HTATSF1: variants seen among roughly 807,000 people sequenced by gnomAD.
HTATSF1 encodes the protein 17S U2 SnRNP complex component HTATSF1.
Under a neutral mutation model 46.1 loss-of-function variants are expected in HTATSF1, and 6 were observed. That is an observed-to-expected ratio of 0.13 (90% CI 0.07 to 0.26). The LOEUF is 0.26. Ranked by LOEUF, HTATSF1 falls within the 10% of genes least tolerant of loss-of-function variation. The pLI is 1.00. For missense variants in HTATSF1, 452 were observed against 559.9 expected (o/e 0.81, Z 1.94); for synonymous variants, 226 against 211.5 (o/e 1.07, Z -0.60).
chrX:136,504,411 G>A lies in HTATSF1; in HGVS notation c.782G>A (p.Arg261His). Residue 261 changes from arginine (R) to histidine (H), a missense_variant, in exon 6 of 9, where the codon CGC becomes CAC. This residue lies in a region of HTATSF1 where 117 missense variants were observed against 222.2 expected (regional missense o/e 0.53). Coordinates refer to ENST00000218364, the MANE Select transcript of HTATSF1 (RefSeq NM_014500.5). ...AGGCGAGCCGGACCATCCCGGATGC[G>A]CCATGAGCGAGTTGTCATCATCAAG... is the stretch of plus-strand genomic sequence containing the variant. ...PERRAGPSRMRHERVVIIKNM... is the reference protein window; with the variant it reads ...PERRAGPSRMHHERVVIIKNM... 8.3e-7 allele frequency: 1 copy of A among 1,210,015 alleles called. No homozygotes were observed. The highest frequency in any genetic ancestry group is 3.0e-5 in the East Asian group (1 of 33,672).
At position 136,504,961 on chromosome X, in the gene HTATSF1, A is replaced by T. The variant is rs191915622; in HGVS notation, c.834+498A>T. ...TGTATCAACTTTTTTAAGTGATTTTAAAAAAAGTTAATGGAACTGTCCTTC... is the reference window on the plus strand; with the variant it reads ...TGTATCAACTTTTTTAAGTGATTTTTAAAAAAGTTAATGGAACTGTCCTTC... On this transcript the variant is annotated intron_variant, in intron 6 of 8. Transcript: ENST00000218364. Among the ~76,000 whole-genome samples the T allele has an allele frequency of 9.7e-3, 1,089 of 112,303 alleles. 3 individuals are homozygous for T. Among genetic ancestry groups the T allele is most frequent in the Middle Eastern group, 0.023 (5 of 218 alleles).
In HTATSF1 at chrX:136,509,189, A is replaced by G; in HGVS notation, c.924+9A>G. The G allele has an allele frequency of 8.7e-7, 1 of 1,143,934 alleles. No individual in the cohort carries two copies. Among genetic ancestry groups the G allele is most frequent in the African/African-American group, 1.8e-5 (1 of 56,659 alleles). The allele number at this position is 1,143,934 out of a possible 1,213,427, so 94.3% of individuals were successfully genotyped here. A position where few individuals can be genotyped will look rare whatever the true frequency, so the allele number is the denominator to read the frequency against. ...AACTCCTTCTCTTTGATGTAAGTTC[A>G]TGGCTTGGACATATGGATCCTAAAG... is the stretch of plus-strand genomic sequence containing the variant. On this transcript the variant is annotated intron_variant, in intron 7 of 8. Coordinates refer to ENST00000218364, the MANE Select transcript of HTATSF1 (RefSeq NM_014500.5).
chrX:136,499,995 G>T (rs2075710687), intron 2 of HTATSF1, among the ~76,000 whole-genome samples, 163 bp from the exon 3 acceptor site: 1 of 111,635 alleles, frequency 9.0e-6, no homozygotes, highest in Admixed American at 9.4e-5. Context: ...TAAATCTTTT[G>T]AAAGCTGGGT....
chrX:136,508,704 T>C (rs1172072527), intron 6 of HTATSF1, among the ~76,000 whole-genome samples: 1 of 112,432 alleles, frequency 8.9e-6, no homozygotes, highest in African/African-American at 3.2e-5. Context: ...TTTCTGTAAA[T>C]AGGAATGTAT....
chrX:136,497,349 C>CGGCGGCGGT (rs1005549260), upstream of HTATSF1: 6 of 115,903 alleles, frequency 5.2e-5, no homozygotes, highest in East Asian at 2.7e-4. Context: ...CGGTCGGCGG[C>CGGCGGCGGT]GGCGGCGGTG....
intron 3 of HTATSF1, 123 bp from the exon 4 acceptor site, chrX:136,500,541 T>C (rs192590508): frequency 2.5e-5 from 12 of 480,886 alleles, no homozygotes; most frequent in East Asian, 1.2e-4. Flanking sequence ...TGTAAAACTT[T>C]TACATACATT....
At chrX:136,504,061 G>A (rs1197448259) in intron 5 of HTATSF1, among the ~76,000 whole-genome samples, 1 of 110,616 alleles carries the variant, frequency 9.0e-6, no homozygotes, top group East Asian at 2.8e-4. Flanking sequence ...AGTAGAGATG[G>A]GGTTTCACCA....
intron 6 of HTATSF1, among the ~76,000 whole-genome samples, chrX:136,506,076 G>A (rs2075740857): frequency 8.9e-6 from 1 of 111,845 alleles, no homozygotes; most frequent in Non-Finnish European, 1.9e-5. Flanking sequence ...GTAGAAGTCT[G>A]TTGTGTAATT....
Position 136,512,283 on chromosome X carries a change from G to C in HTATSF1, c.*270G>C. ...TGCATGCAGAATAATATTTTTAAGAGTATTGATTGAAGTTTGTGATATTCA... is the reference window on the plus strand; with the variant it reads ...TGCATGCAGAATAATATTTTTAAGACTATTGATTGAAGTTTGTGATATTCA... On this transcript the variant is annotated 3_prime_UTR_variant, in exon 9 of 9. Coordinates refer to ENST00000218364, the MANE Select transcript of HTATSF1 (RefSeq NM_014500.5). The C allele has an allele frequency of 4.2e-6, 1 of 240,237 alleles. No individual in the cohort carries two copies. Among genetic ancestry groups the C allele is most frequent in the East Asian group, 6.6e-5 (1 of 15,252 alleles). The allele number at this position is 240,237 out of a possible 1,213,427, so 19.8% of individuals were successfully genotyped here. A position where few individuals can be genotyped will look rare whatever the true frequency, so the allele number is the denominator to read the frequency against.
rs2071913 is a variant in HTATSF1, at chrX:136,511,178, G to C, written c.1433G>C (p.Gly478Ala). Residue 478 changes from glycine to alanine, a missense_variant, in exon 9 of 9, where the codon GGC (glycine) becomes GCC (alanine). By Grantham distance (60) the Gly-to-Ala change is moderately conservative. This residue lies in a region of HTATSF1 where 246 missense variants were observed against 245.3 expected (regional missense o/e 1.00). Coordinates refer to ENST00000218364, the MANE Select transcript of HTATSF1 (RefSeq NM_014500.5). Reference sequence around the variant, plus strand: ...GGCTGCCCCAAAAGAGGGTTTGAAGGCAGCTGCTCCCAAAAAGAGTCTGAA... The same window carrying C: ...GGCTGCCCCAAAAGAGGGTTTGAAGCCAGCTGCTCCCAAAAAGAGTCTGAA... ...EEGCPKRGFE[G>A]SCSQKESEEG... The C allele has an allele frequency of 8.4e-3, 10,179 of 1,204,885 alleles. 219 individuals carry two copies. In the East Asian group the frequency reaches 0.13, roughly 15 times the overall value.
rs1236364106 is a variant in HTATSF1 at position 136,502,768 on chromosome X, A to G, written c.571-10A>G. On this transcript the variant is annotated splice_polypyrimidine_tract_variant and intron_variant, in intron 4 of 8. Transcript: ENST00000218364. ...TATAACTGACTATATTTTGTCTTAC[A>G]TTTATAAAGAGAGAATCTGTGGAAC... The G allele has an allele frequency of 2.7e-6, 3 of 1,100,134 alleles. No individual in the cohort carries two copies. Among genetic ancestry groups the G allele is most frequent in the Non-Finnish European group, 3.6e-6 (3 of 830,913 alleles). 90.7% of individuals were successfully genotyped at this position (1,100,134 alleles called of 1,213,427 possible).
At chrX:136,508,892 C>T (rs1203608) in intron 6 of HTATSF1, among the ~76,000 whole-genome samples, 199 bp from the exon 7 acceptor site, 5 of 112,416 alleles carry the variant, frequency 4.4e-5, no homozygotes, top group African/African-American at 1.6e-4. Context: ...TAAAGCAGGG[C>T]AAACCTATAG....
upstream of HTATSF1, chrX:136,497,352 C>G (rs1225930466): frequency 8.8e-6 from 1 of 114,089 alleles, no homozygotes; most frequent in South Asian, 2.8e-4. Context: ...TCGGCGGCGG[C>G]GGCGGTGGCG....
Position 136,497,847 on chromosome X carries a change from G to A in HTATSF1, c.163G>A (p.Asp55Asn). 8.5e-7 allele frequency: 1 copy of A among 1,176,407 alleles called. No homozygotes were observed. The highest frequency in any genetic ancestry group is 1.1e-6 in the Non-Finnish European group (1 of 871,316). Residue 55 changes from aspartate to asparagine, a missense_variant, in exon 1 of 9, where the codon GAC (aspartate) becomes AAC (asparagine). Asp to Asn is a conservative substitution (Grantham distance 23). Transcript: ENST00000218364. ...PTDTPYEWDL[D>N]KKAWFPKITE... ...GGACACTCCCTACGAGTGGGACCTG[G>A]ACAAAAAGGCTTGGTTCCCCAAGGT... is the stretch of plus-strand genomic sequence containing the variant.
At chrX:136,500,947 CAGTT>C (rs2075715457) in intron 4 of HTATSF1, 129 bp downstream of exon 4, 1 of 374,008 alleles carries the variant, frequency 2.7e-6, no homozygotes, top group African/African-American at 2.6e-5. Flanking sequence ...ACTGAAATTT[CAGTT>C]AGTACCTGTG....
Position 136,502,870 on chromosome X carries a change from G to A in HTATSF1, c.663G>A (p.Lys221=). 8.5e-7 allele frequency: 1 copy of A among 1,173,560 alleles called. No homozygotes were observed. ...LHVEVAKFQL[K]GEYDASKKKK... ...TTGAGGTGGCAAAGTTTCAACTGAA[G>A]GGAGAATATGATGCCTCAAAGAAGA... Residue 221 remains lysine (K), a synonymous_variant, in exon 5 of 9, where the codon AAG becomes AAA. Transcript: ENST00000218364.
chrX:136,502,874 G>A lies in HTATSF1; in HGVS notation c.667G>A (p.Glu223Lys), dbSNP rs1228681120. The change falls in exon 5 of 9, where the codon GAA (glutamate) becomes AAA (lysine). Residue 223 changes from glutamate to lysine, a missense_variant. Transcript: ENST00000218364. Reference protein sequence around the residue: ...VEVAKFQLKGEYDASKKKKKC... With the variant: ...VEVAKFQLKGKYDASKKKKKC... Reference sequence around the variant, plus strand: ...GGTGGCAAAGTTTCAACTGAAGGGAGAATATGATGCCTCAAAGAAGAAGAA... The same window carrying A: ...GGTGGCAAAGTTTCAACTGAAGGGAAAATATGATGCCTCAAAGAAGAAGAA... 1.7e-6 allele frequency: 2 copies of A among 1,171,343 alleles called. No individual in the cohort carries two copies. The highest frequency in any genetic ancestry group is 1.8e-5 in the African/African-American group (1 of 55,981).
chrX:136,510,930 G>A lies in HTATSF1; in HGVS notation c.1185G>A (p.Gly395=). 8.3e-7 allele frequency: 1 copy of A among 1,211,599 alleles called. No individual in the cohort carries two copies. Among genetic ancestry groups the A allele is most frequent in the Non-Finnish European group, 1.1e-6 (1 of 895,433 alleles). Residue 395 remains glycine, a synonymous_variant, in exon 9 of 9, where the codon GGG becomes GGA. Coordinates refer to ENST00000218364, the MANE Select transcript of HTATSF1 (RefSeq NM_014500.5). Reference sequence around the variant, plus strand: ...CTGTCTCTGCTTCCGAAAGGGCAGGGCCTTCTAGAGCAAGGCATTTTTCAG... The same window carrying A: ...CTGTCTCTGCTTCCGAAAGGGCAGGACCTTCTAGAGCAAGGCATTTTTCAG... ...SDSVSASERA[G]PSRARHFSEH...
Position 136,500,140 on chromosome X carries a change from A to G in HTATSF1, c.368-18A>G. On this transcript the variant is annotated intron_variant, in intron 2 of 8. Transcript: ENST00000218364. ...TTTTTGCAAGTGTTTTATTTATTTA[A>G]TTAATTTTGATTTCTAGGATGGTTT... is the stretch of plus-strand genomic sequence containing the variant. The G allele has an allele frequency of 1.0e-6, 1 of 983,279 alleles. No individual in the cohort carries two copies. The highest frequency in any genetic ancestry group is 1.4e-6 in the Non-Finnish European group (1 of 692,407). 81.0% of individuals were successfully genotyped at this position (983,279 alleles called of 1,213,427 possible).
Sources: gnomAD v4.1 joint callset for allele counts (sites outside exome capture counted in the v4.1 genomes callset) on GRCh38, gnomAD v4.1.1 for gene constraint, gnomAD v4.1.1 regional missense constraint, MANE v1.5 for transcripts, NCBI Gene and HGNC (gene_info 2026-07-23, HGNC 2026-07-21) for gene names.